MED13L: variants seen among roughly 807,000 people sequenced by gnomAD.
MED13L encodes the protein mediator complex subunit 13L.
Under a neutral mutation model 220.9 loss-of-function variants are expected in MED13L, and 7 were observed. The observed-to-expected ratio is 0.03, with a 90% CI of 0.02 to 0.06. The LOEUF (loss-of-function observed/expected upper bound fraction) is 0.06. Among genes scored for constraint, MED13L ranks in the 10% least tolerant of loss-of-function variants. The pLI is 1.00. For missense variants in MED13L, 1,965 were observed against 2,760.5 expected (o/e 0.71, Z 6.46); for synonymous variants, 1,011 against 1,015.2 (o/e 1.00, Z 0.08).
chr12:116,124,669 C>T (rs1875423522), intron 2 of MED13L, among the ~76,000 whole-genome samples: 1 of 152,168 alleles, frequency 6.6e-6, no homozygotes, highest in Non-Finnish European at 1.5e-5. Context: ...TCTATCATTT[C>T]ACTTAACGCC....
intron 7 of MED13L, among the ~76,000 whole-genome samples, chr12:116,017,293 A>G (rs1879784645): frequency 6.6e-6 from 1 of 152,228 alleles, no homozygotes; most frequent in Non-Finnish European, 1.5e-5. Flanking sequence ...TTCTGAACTG[A>G]CCAGAGGTCA....
At chr12:116,185,268 C>A (rs1226850208) in intron 2 of MED13L, among the ~76,000 whole-genome samples, 1 of 151,908 alleles carries the variant, frequency 6.6e-6, no homozygotes, top group East Asian at 1.9e-4. Flanking sequence ...CAAAAAGAAA[C>A]ACCTTTCTTA....
chr12:116,197,020 AAC>A (rs2138290472), intron 2 of MED13L, among the ~76,000 whole-genome samples: 1 of 152,332 alleles, frequency 6.6e-6, no homozygotes, highest in African/African-American at 2.4e-5. Flanking sequence ...TAAGTCTGAA[AAC>A]ACAAACAATA....
intron 1 of MED13L, 139 bp downstream of exon 1, chr12:116,276,921 T>TCGGCGAGAGGCGAACGG (rs1343473170): frequency 9.7e-7 from 1 of 1,031,930 alleles, no homozygotes; most frequent in Non-Finnish European, 1.5e-6. Flanking sequence ...AGGGGGAGAA[T>TCGGCGAGAGGCGAACGG]CGGCGAGAGG....
chr12:116,226,949 A>G (rs1006048006), intron 2 of MED13L, among the ~76,000 whole-genome samples: 1 of 150,152 alleles, frequency 6.7e-6, no homozygotes, highest in African/African-American at 2.4e-5. Flanking sequence ...TGTTATTTCT[A>G]CCATTAAGGT....
intron 28 of MED13L, among the ~76,000 whole-genome samples, chr12:115,967,375 C>T (rs1876254851): frequency 6.6e-6 from 1 of 152,142 alleles, no homozygotes; most frequent in South Asian, 2.1e-4. Flanking sequence ...TGCTGAAAGC[C>T]TCTTGGAGGT....
intron 2 of MED13L, among the ~76,000 whole-genome samples, chr12:116,178,890 T>C (rs1880280853): frequency 6.6e-6 from 1 of 152,216 alleles, no homozygotes; most frequent in Non-Finnish European, 1.5e-5. Flanking sequence ...ACTCTGAATA[T>C]AAAGAATGTA....
intron 4 of MED13L, 78 bp from the exon 5 acceptor site, chr12:116,022,679 T>C (rs2137447707): frequency 2.8e-6 from 4 of 1,449,670 alleles, no homozygotes; most frequent in African/African-American, 1.4e-5. Flanking sequence ...ACAGGTAAGA[T>C]ACAGCTCTAC....
intron 4 of MED13L, among the ~76,000 whole-genome samples, chr12:116,040,922 T>A (rs527365810): frequency 6.6e-6 from 1 of 152,230 alleles, no homozygotes; most frequent in East Asian, 1.9e-4. Context: ...TCTACAGAAT[T>A]AGTACGGGAG....
chr12:116,232,583 G>A (rs530197139), intron 2 of MED13L, among the ~76,000 whole-genome samples: 3 of 152,272 alleles, frequency 2.0e-5, no homozygotes, highest in Admixed American at 6.5e-5. Context: ...CATAAAATAC[G>A]TTTCATTAAC....
intron 25 of MED13L, 100 bp downstream of exon 25, chr12:115,975,071 T>C: frequency 8.2e-7 from 1 of 1,225,220 alleles, no homozygotes; most frequent in Non-Finnish European, 1.2e-6. Context: ...ATCTGTTTAA[T>C]TCTTACAAAT....
intron 4 of MED13L, among the ~76,000 whole-genome samples, chr12:116,075,435 G>C (rs1295058180): frequency 6.6e-6 from 1 of 152,166 alleles, no homozygotes; most frequent in Non-Finnish European, 1.5e-5. Context: ...GCACTTTCTA[G>C]ATCTGTGTAA....
At chr12:115,986,212 A>G in intron 19 of MED13L, 54 bp downstream of exon 19, 1 of 1,504,042 alleles carries the variant, frequency 6.6e-7, no homozygotes, top group Non-Finnish European at 9.3e-7. Flanking sequence ...TCATCACTAT[A>G]AACAATCAGA....
chr12:116,031,001 T>C (rs1221974935), intron 4 of MED13L, among the ~76,000 whole-genome samples: 1 of 152,092 alleles, frequency 6.6e-6, no homozygotes, highest in African/African-American at 2.4e-5. Context: ...CATTAACAGA[T>C]GAATGAGAAA....
intron 2 of MED13L, among the ~76,000 whole-genome samples, chr12:116,211,341 GA>G (rs1882691592): frequency 6.6e-6 from 1 of 152,014 alleles, no homozygotes; most frequent in Admixed American, 6.5e-5. Context: ...AGCCACATGT[GA>G]TAAGTGGCTA....
chr12:116,264,473 A>C (rs919853959), intron 1 of MED13L, among the ~76,000 whole-genome samples: 1 of 152,206 alleles, frequency 6.6e-6, no homozygotes, highest in Admixed American at 6.5e-5. Context: ...AATTTTTAAA[A>C]ATTGATTTTG....
Position 116,077,117 on chromosome 12 carries a change from C to A in MED13L, c.479+19552G>T, listed in dbSNP as rs375754862. 1.6e-4 allele frequency among the ~76,000 whole-genome samples: 25 copies of A among 152,320 alleles called. No individual in the cohort carries two copies. The East Asian group carries it at 4.4e-3, about 27-fold the overall frequency. ...ACAGGCTTGTCAAAGCCCACTTTAA[C>A]TTCATAAATATCTCTTCTTTACTAG... is the stretch of plus-strand genomic sequence containing the variant. On this transcript the variant is annotated intron_variant, in intron 4 of 30. Coordinates refer to ENST00000281928, the MANE Select transcript of MED13L (RefSeq NM_015335.5).
intron 2 of MED13L, among the ~76,000 whole-genome samples, chr12:116,165,925 T>C (rs552573128): frequency 6.6e-6 from 1 of 152,298 alleles, no homozygotes; most frequent in Non-Finnish European, 1.5e-5. Context: ...ACAGCTGCAT[T>C]GGTCTTTCGT....
At chr12:116,110,892 G>GA (rs1024852268) in intron 3 of MED13L, among the ~76,000 whole-genome samples, 1 of 151,028 alleles carries the variant, frequency 6.6e-6, no homozygotes, top group African/African-American at 2.4e-5. Context: ...TGTCAAGAAA[G>GA]AAAAAAAAGG....
Sources: gnomAD v4.1 joint callset for allele counts (sites outside exome capture counted in the v4.1 genomes callset) on GRCh38, gnomAD v4.1.1 for gene constraint, MANE v1.5 for transcripts, NCBI Gene and HGNC (gene_info 2026-07-23, HGNC 2026-07-21) for gene names.